Variants in CNTN5 observed in about 807,000 individuals in gnomAD.
The protein encoded by CNTN5 is contactin 5, also known as contactin-5.
CNTN5 carries 77 observed loss-of-function variants against 129.1 expected under a neutral mutation model. The observed-to-expected ratio is 0.60, with a 90% CI of 0.50 to 0.72. The LOEUF is 0.72. Ranked by LOEUF, CNTN5 falls within the 30% of genes least tolerant of loss-of-function variation. The pLI, the probability that CNTN5 is intolerant of heterozygous loss-of-function variation, is 0.00. For missense variants in CNTN5, 1,478 were observed against 1,328.8 expected (o/e 1.11, Z -1.75); for synonymous variants, 509 against 465.6 (o/e 1.09, Z -1.20).
At chr11:100,026,313 TC>T (rs892196599) in intron 9 of CNTN5, among the ~76,000 whole-genome samples, 1 of 152,096 alleles carries the variant, frequency 6.6e-6, no homozygotes, top group Admixed American at 6.6e-5. Context: ...TCCTGAAACC[TC>T]CCCAGCTTTG....
chr11:99,240,820 C>T (rs1166861517), intron 1 of CNTN5, among the ~76,000 whole-genome samples: 1 of 152,088 alleles, frequency 6.6e-6, no homozygotes, highest in African/African-American at 2.4e-5. Flanking sequence ...GGCAAAGATT[C>T]TATTTGGATT....
chr11:99,569,851 C>A (rs1391852142), intron 3 of CNTN5, among the ~76,000 whole-genome samples: 1 of 152,010 alleles, frequency 6.6e-6, no homozygotes, highest in African/African-American at 2.4e-5. Context: ...TCTGATCATT[C>A]TAATATTTTT....
At chr11:99,875,984 A>G (rs985458597) in intron 6 of CNTN5, among the ~76,000 whole-genome samples, 1 of 152,124 alleles carries the variant, frequency 6.6e-6, no homozygotes, top group South Asian at 2.1e-4. Flanking sequence ...AGTTAGAAGA[A>G]CTCTCCAGGC....
chr11:99,698,090 T>A (rs1217070269), intron 3 of CNTN5, among the ~76,000 whole-genome samples: 1 of 105,884 alleles, frequency 9.4e-6, no homozygotes, highest in Non-Finnish European at 2.2e-5. Context: ...TGAAATAAGA[T>A]TTTTTTTTAC....
intron 3 of CNTN5, among the ~76,000 whole-genome samples, chr11:99,814,963 A>C (rs1256689339): frequency 6.6e-6 from 1 of 152,100 alleles, no homozygotes; most frequent in Non-Finnish European, 1.5e-5. Context: ...GAATTGACTG[A>C]AGGTGGATCT....
At chr11:99,089,271 G>A (rs1866134922) in intron 1 of CNTN5, among the ~76,000 whole-genome samples, 1 of 151,868 alleles carries the variant, frequency 6.6e-6, no homozygotes, top group African/African-American at 2.4e-5. Context: ...AAGCATACCA[G>A]CTATTATGAG....
At chr11:99,766,327 T>C (rs892766271) in intron 3 of CNTN5, among the ~76,000 whole-genome samples, 1 of 151,972 alleles carries the variant, frequency 6.6e-6, no homozygotes, top group South Asian at 2.1e-4. Context: ...GAATGAACAA[T>C]TCCATTTCCA....
chr11:99,367,563 T>A (rs769718003), intron 2 of CNTN5, among the ~76,000 whole-genome samples: 4 of 152,164 alleles, frequency 2.6e-5, no homozygotes, highest in Non-Finnish European at 5.9e-5. Flanking sequence ...GTGGAAAGAA[T>A]GACAGTGCTT....
intron 3 of CNTN5, among the ~76,000 whole-genome samples, chr11:99,679,257 G>T (rs1045841588): frequency 2.0e-5 from 3 of 149,292 alleles, no homozygotes; most frequent in Non-Finnish European, 1.5e-5. Context: ...CCTTAAAAAG[G>T]GTGAAATTAA....
chr11:99,842,568 G>T (rs1947545169), intron 4 of CNTN5, among the ~76,000 whole-genome samples: 1 of 152,126 alleles, frequency 6.6e-6, no homozygotes, highest in African/African-American at 2.4e-5. Context: ...CTAAAGCTCA[G>T]GAGTTGTCTA....
intron 3 of CNTN5, among the ~76,000 whole-genome samples, chr11:99,624,835 G>A (rs1591378354): frequency 6.6e-6 from 1 of 152,056 alleles, no homozygotes; most frequent in Admixed American, 6.6e-5. Flanking sequence ...GCAAATACAG[G>A]CCATCAGTCA....
At chr11:99,630,247 CATATATATAT>C (rs201091704) in intron 3 of CNTN5, among the ~76,000 whole-genome samples, 98,709 of 151,046 alleles carry the variant, frequency 0.65, 33,392 homozygotes, top group Admixed American at 0.77. Flanking sequence ...TGTGTATATA[CATATATATAT>C]ATATATATAT....
chr11:99,844,933 C>T lies in CNTN5; in HGVS notation c.359C>T (p.Ala120Val). The change falls in exon 5 of 25, where the codon GCA becomes GTA. Residue 120 changes from alanine to valine, a missense_variant. Transcript: ENST00000524871. ...ACTGATTCTGATGAAAAGAAGGTAG[C>T]ATTGAATTGTGAAGTTCGTGGCAAT... ...FPTDSDEKKV[A>V]LNCEVRGNPV... 1 of 1,613,668 alleles carries T rather than the reference C, an allele frequency of 6.2e-7. No individual in the cohort carries two copies.
At chr11:99,358,255 A>ATTTTTTTTTTTTTTTTTTTTTTT (rs1186386021) in intron 2 of CNTN5, among the ~76,000 whole-genome samples, 3 of 46,924 alleles carry the variant, frequency 6.4e-5, no homozygotes, top group South Asian at 1.2e-3. Context: ...CGCCCTGCTG[A>ATTTTTTTTTTTTTTTTTTTTTTT]TTTTTTTTTT....
intron 3 of CNTN5, among the ~76,000 whole-genome samples, chr11:99,577,326 C>T (rs1565312376): frequency 6.6e-6 from 1 of 152,128 alleles, no homozygotes; most frequent in Non-Finnish European, 1.5e-5. Context: ...GCCTCAAGCA[C>T]TCATATTCTA....
intron 9 of CNTN5, among the ~76,000 whole-genome samples, chr11:100,045,620 A>G (rs536699012): frequency 1.3e-5 from 2 of 152,236 alleles, no homozygotes; most frequent in East Asian, 3.9e-4. Context: ...TAAGGCTGAC[A>G]AAAAGAAGTC....
At chr11:100,068,883 C>T (rs985471211) in intron 10 of CNTN5, among the ~76,000 whole-genome samples, 5 of 152,184 alleles carry the variant, frequency 3.3e-5, no homozygotes, top group Admixed American at 2.6e-4. Context: ...AAACAAGTAA[C>T]TAACTTTGTG....
chr11:99,923,749 A>ATCTGTCTGTCTG (rs369958644), intron 7 of CNTN5, among the ~76,000 whole-genome samples: 11 of 145,088 alleles, frequency 7.6e-5, no homozygotes, highest in African/African-American at 2.8e-4. Context: ...TATCTAATCT[A>ATCTGTCTGTCTG]TCTGTCTGTC....
At chr11:100,193,695 T>G in intron 15 of CNTN5, 32 bp downstream of exon 15, 1 of 1,581,246 alleles carries the variant, frequency 6.3e-7, no homozygotes, top group Non-Finnish European at 8.6e-7. Context: ...CTTTTAGTAA[T>G]GATAACTTTA....
Sources: gnomAD v4.1 joint callset for allele counts (sites outside exome capture counted in the v4.1 genomes callset) on GRCh38, gnomAD v4.1.1 for gene constraint, MANE v1.5 for transcripts, NCBI Gene and HGNC (gene_info 2026-07-23, HGNC 2026-07-21) for gene names.